LINGO2: variants seen among roughly 807,000 people sequenced by gnomAD.
The protein encoded by LINGO2 is leucine rich repeat and Ig domain containing 2.
In LINGO2, 14 loss-of-function variants were observed where a neutral mutation model predicts 30.6. That is an observed-to-expected ratio of 0.46 (90% CI 0.30 to 0.72). The LOEUF is 0.72. Ranked by LOEUF, LINGO2 falls within the 30% of genes least tolerant of loss-of-function variation. The pLI, the probability that LINGO2 is intolerant of heterozygous loss-of-function variation, is 0.07. For missense variants in LINGO2, 729 were observed against 751.7 expected, an observed-to-expected ratio of 0.97 and a Z score of 0.35; for synonymous variants, 317 against 288.5, an observed-to-expected ratio of 1.10 and a Z score of -1.00.
intron 4 of LINGO2, among the ~76,000 whole-genome samples, chr9:28,060,464 AT>A (rs996375353): frequency 2.6e-5 from 4 of 152,288 alleles, no homozygotes; most frequent in African/African-American, 7.2e-5. Context: ...CATAAGTAAG[AT>A]TTTTTATTTA....
chr9:28,285,806 G>GC (rs1368647906), intron 4 of LINGO2, among the ~76,000 whole-genome samples: 1 of 152,116 alleles, frequency 6.6e-6, no homozygotes, highest in African/African-American at 2.4e-5. Flanking sequence ...ACTTCTTATA[G>GC]ATTGCCTCCT....
intron 1 of LINGO2, among the ~76,000 whole-genome samples, chr9:28,606,268 C>T (rs1825690433): frequency 6.6e-6 from 1 of 151,908 alleles, no homozygotes; most frequent in Non-Finnish European, 1.5e-5. Context: ...ACATCTAAAA[C>T]AGCTACTATA....
chr9:28,458,795 G>A (rs1477847250), intron 2 of LINGO2, among the ~76,000 whole-genome samples: 1 of 152,056 alleles, frequency 6.6e-6, no homozygotes, highest in African/African-American at 2.4e-5. Context: ...TTGAAGGTCT[G>A]CCCTGGCTAC....
At chr9:28,027,896 C>G (rs1823461216) in intron 4 of LINGO2, among the ~76,000 whole-genome samples, 1 of 152,068 alleles carries the variant, frequency 6.6e-6, no homozygotes. Context: ...AAGACGAAAT[C>G]TCATGTGTCC....
chr9:28,692,406 C>T, the LINGO2 span, among the ~76,000 whole-genome samples: 1 of 151,916 alleles, frequency 6.6e-6, no homozygotes. Flanking sequence ...ACCCAAGGGT[C>T]GGAGGTTGCA....
chr9:27,996,289 A>G (rs1821658048), intron 5 of LINGO2, among the ~76,000 whole-genome samples: 1 of 152,172 alleles, frequency 6.6e-6, no homozygotes, highest in Admixed American at 6.5e-5. Context: ...ACTGCTGTGT[A>G]TATATAAGAA....
the LINGO2 span, among the ~76,000 whole-genome samples, chr9:28,927,439 C>A: frequency 6.6e-6 from 1 of 152,054 alleles, no homozygotes; most frequent in Non-Finnish European, 1.5e-5. Context: ...AATATCTACT[C>A]CTTAGATGAA....
chr9:28,049,185 G>GC (rs1824558646), intron 4 of LINGO2, among the ~76,000 whole-genome samples: 1 of 150,726 alleles, frequency 6.6e-6, no homozygotes, highest in Non-Finnish European at 1.5e-5. Context: ...GAGCTCTGTG[G>GC]CCCATAGTCA....
intron 5 of LINGO2, among the ~76,000 whole-genome samples, chr9:27,967,892 A>G (rs16912128): frequency 0.034 from 5,128 of 152,266 alleles, 302 homozygotes; most frequent in African/African-American, 0.12. Flanking sequence ...AACCTTTAAA[A>G]CAATTATATA....
intron 2 of LINGO2, among the ~76,000 whole-genome samples, chr9:28,378,303 C>T (rs1240981572): frequency 6.6e-6 from 1 of 152,078 alleles, no homozygotes; most frequent in Non-Finnish European, 1.5e-5. Context: ...AGTTAGTGGA[C>T]AAAAGGTTAT....
At chr9:28,160,580 C>A (rs1183531200) in intron 4 of LINGO2, among the ~76,000 whole-genome samples, 4 of 152,184 alleles carry the variant, frequency 2.6e-5, no homozygotes, top group Non-Finnish European at 4.4e-5. Flanking sequence ...TGCCCCCCTT[C>A]TGCTCTTGCT....
the LINGO2 span, among the ~76,000 whole-genome samples, chr9:28,822,939 A>G: frequency 6.6e-6 from 1 of 152,208 alleles, no homozygotes; most frequent in African/African-American, 2.4e-5. Flanking sequence ...AACTGAATAA[A>G]AAATATACTT....
intron 5 of LINGO2, among the ~76,000 whole-genome samples, chr9:27,969,183 A>G (rs907078743): frequency 6.6e-6 from 1 of 152,086 alleles, no homozygotes; most frequent in East Asian, 1.9e-4. Context: ...TTACATAAAG[A>G]AATGAATCCT....
intron 3 of LINGO2, among the ~76,000 whole-genome samples, chr9:28,364,684 C>T (rs186412145): frequency 1.7e-4 from 26 of 152,286 alleles, no homozygotes; most frequent in South Asian, 4.1e-4. Flanking sequence ...ATGTTTTCAA[C>T]GTAATTTTCC....
chr9:29,073,499 T>C, the LINGO2 span, among the ~76,000 whole-genome samples: 2 of 152,170 alleles, frequency 1.3e-5, no homozygotes, highest in African/African-American at 4.8e-5. Flanking sequence ...AAATTTTAAA[T>C]GGTTAAAAGA....
In LINGO2 at chr9:28,278,199, G is replaced by A. The variant is rs10968430; in HGVS notation, c.-87+17009C>T. On this transcript the variant is annotated intron_variant, in intron 4 of 5. Coordinates refer to ENST00000379992, the Ensembl canonical transcript of LINGO2. ...AAAAGTTGAACACTAGCAGAGGCTGGCTCATGAAGCTTAACAAAAGCTGTC... is the reference window on the plus strand; with the variant it reads ...AAAAGTTGAACACTAGCAGAGGCTGACTCATGAAGCTTAACAAAAGCTGTC... 0.016 allele frequency among the ~76,000 whole-genome samples: 2,451 copies of A among 152,302 alleles called. 148 individuals are homozygous for A. The East Asian group carries it at 0.19, about 12-fold the overall frequency.
chr9:27,937,930 A>G, the LINGO2 span: 1 of 152,204 alleles, frequency 6.6e-6, no homozygotes, highest in Non-Finnish European at 1.5e-5. Flanking sequence ...CTCTTCCAAT[A>G]AAGGAGAAAA....
At chr9:28,987,634 T>A in the LINGO2 span, among the ~76,000 whole-genome samples, 1 of 152,120 alleles carries the variant, frequency 6.6e-6, no homozygotes, top group East Asian at 1.9e-4. Flanking sequence ...AACATTAAGT[T>A]GTTTATCTGA....
chr9:29,156,974 C>G, the LINGO2 span, among the ~76,000 whole-genome samples: 6 of 151,964 alleles, frequency 3.9e-5, no homozygotes, highest in African/African-American at 1.4e-4. Context: ...ATAGTAATAA[C>G]TTACGCAAGC....
Sources: allele counts gnomAD v4.1 joint callset (sites outside exome capture counted in the v4.1 genomes callset), GRCh38; gene constraint gnomAD v4.1.1; transcripts MANE v1.5; gene names NCBI Gene and HGNC (gene_info 2026-07-23, HGNC 2026-07-21).